DACH1: variants seen among roughly 807,000 people sequenced by gnomAD.
DACH1 encodes the protein dachshund homolog 1.
Under a neutral mutation model 54.2 loss-of-function variants are expected in DACH1, and 12 were observed. The ratio of observed to expected loss-of-function variants is 0.22; its 90% CI spans 0.14 to 0.36. DACH1 has a LOEUF of 0.36. Among genes scored for constraint, DACH1 ranks in the 10% least tolerant of loss-of-function variants. The pLI is 1.00. For synonymous variants in DACH1, 386 were observed against 366.2 expected (o/e 1.05, Z -0.62); for missense variants, 805 against 929.8 (o/e 0.87, Z 1.75).
At chr13:71,573,049 G>A in intron 3 of DACH1, 37 bp from the exon 4 acceptor site, 1 of 1,572,296 alleles carries the variant, frequency 6.4e-7, no homozygotes, top group Middle Eastern at 1.7e-4. Context: ...TTGCTCTGGA[G>A]GACATAAATC....
intron 1 of DACH1, among the ~76,000 whole-genome samples, chr13:71,732,753 G>A (rs1232175468): frequency 6.6e-6 from 1 of 152,018 alleles, no homozygotes; most frequent in East Asian, 1.9e-4. Context: ...ACACTATAAT[G>A]GCAAAGTTGA....
chr13:71,637,815 C>A (rs1422001829), intron 2 of DACH1, among the ~76,000 whole-genome samples: 1 of 151,968 alleles, frequency 6.6e-6, no homozygotes, highest in African/African-American at 2.4e-5. Context: ...TAAGTTAGTA[C>A]CCTTACTTAT....
intron 2 of DACH1, among the ~76,000 whole-genome samples, chr13:71,670,951 T>C (rs939840717): frequency 6.6e-6 from 1 of 152,082 alleles, no homozygotes; most frequent in African/African-American, 2.4e-5. Context: ...AAGATTCCTA[T>C]GAATTTTGGC....
At chr13:71,708,815 G>A (rs1268109092) in intron 1 of DACH1, among the ~76,000 whole-genome samples, 1 of 147,616 alleles carries the variant, frequency 6.8e-6, no homozygotes, top group East Asian at 2.0e-4. Context: ...TTATTACTTT[G>A]TCAATAAGCT....
At chr13:71,542,198 T>G (rs1883176824) in intron 6 of DACH1, among the ~76,000 whole-genome samples, 1 of 151,892 alleles carries the variant, frequency 6.6e-6, no homozygotes, top group Admixed American at 6.6e-5. Context: ...TGCAGTGAGC[T>G]GAGATTGCGC....
intron 1 of DACH1, among the ~76,000 whole-genome samples, chr13:71,848,227 T>C (rs1424736158): frequency 6.6e-6 from 1 of 152,100 alleles, no homozygotes; most frequent in Non-Finnish European, 1.5e-5. Context: ...AAAAATGGTA[T>C]TTTTTTACAT....
At chr13:71,668,572 G>GA (rs561803949) in intron 2 of DACH1, among the ~76,000 whole-genome samples, 2 of 151,224 alleles carry the variant, frequency 1.3e-5, no homozygotes, top group Non-Finnish European at 1.5e-5. Flanking sequence ...CTGTATCAGG[G>GA]AAAAAAATAT....
chr13:71,666,643 C>T (rs1434796433), intron 2 of DACH1, among the ~76,000 whole-genome samples: 1 of 151,788 alleles, frequency 6.6e-6, no homozygotes, highest in African/African-American at 2.4e-5. Flanking sequence ...AATAAAGAAC[C>T]CTGCATGCTA....
intron 1 of DACH1, among the ~76,000 whole-genome samples, chr13:71,847,044 A>G (rs1450519140): frequency 6.6e-6 from 1 of 152,124 alleles, no homozygotes. Context: ...CTGATAGACA[A>G]ACCTTAATTA....
intron 3 of DACH1, among the ~76,000 whole-genome samples, chr13:71,590,597 TAC>T (rs1873628156): frequency 6.6e-6 from 1 of 150,622 alleles, no homozygotes; most frequent in South Asian, 2.1e-4. Flanking sequence ...TAGAAAGCCT[TAC>T]ACAGAGATGT....
chr13:71,442,675 C>A (rs1040420062), intron 10 of DACH1, among the ~76,000 whole-genome samples: 3 of 151,856 alleles, frequency 2.0e-5, no homozygotes, highest in Non-Finnish European at 2.9e-5. Flanking sequence ...AGTACCAAAC[C>A]CTATGTATAC....
At chr13:71,510,220 C>A (rs1008399666) in intron 6 of DACH1, among the ~76,000 whole-genome samples, 1 of 151,944 alleles carries the variant, frequency 6.6e-6, no homozygotes, top group East Asian at 1.9e-4. Flanking sequence ...ATAACAGGTG[C>A]CTTCTGACCT....
intron 2 of DACH1, among the ~76,000 whole-genome samples, chr13:71,652,139 G>A (rs910118732): frequency 6.6e-6 from 1 of 152,016 alleles, no homozygotes; most frequent in Non-Finnish European, 1.5e-5. Context: ...ATCACTGATC[G>A]GTCTTTAGAA....
chr13:71,819,440 A>T (rs1223996393), intron 1 of DACH1, among the ~76,000 whole-genome samples: 2 of 152,218 alleles, frequency 1.3e-5, no homozygotes, highest in African/African-American at 4.8e-5. Context: ...ATGGAACTTA[A>T]TAGAGTGTCA....
At chr13:71,444,510 A>G (rs188810235) in intron 10 of DACH1, among the ~76,000 whole-genome samples, 6 of 152,284 alleles carry the variant, frequency 3.9e-5, no homozygotes, top group Non-Finnish European at 8.8e-5. Flanking sequence ...TAAGTCCTTC[A>G]TAAACTTTAT....
intron 1 of DACH1, among the ~76,000 whole-genome samples, chr13:71,759,678 C>A (rs1566483607): frequency 6.6e-6 from 1 of 152,074 alleles, no homozygotes; most frequent in Non-Finnish European, 1.5e-5. Context: ...GCCTTGTATG[C>A]ATGTTATAAT....
chr13:71,865,073 G>A (rs1490307587), intron 1 of DACH1, among the ~76,000 whole-genome samples: 1 of 152,120 alleles, frequency 6.6e-6, no homozygotes, highest in East Asian at 1.9e-4. Context: ...AGCTTCCATT[G>A]AGTCTCGGGC....
Position 71,475,151 on chromosome 13 carries a change from C to T in DACH1, c.2073G>A (p.Arg691=). ...DRSGGRTDAE[R]TIQDGRLYLK... Reference sequence around the variant, plus strand: ...TCTGCAAATTCCTACCTTGTATTGTCCTTTCAGCATCTGTTCTGCCGCCAC... The same window carrying T: ...TCTGCAAATTCCTACCTTGTATTGTTCTTTCAGCATCTGTTCTGCCGCCAC... The change falls in exon 10 of 11, where the codon AGG becomes AGA. Residue 691 remains arginine (R), a synonymous_variant. Transcript: ENST00000613252. 4.3e-6 allele frequency: 7 copies of T among 1,613,906 alleles called. No individual in the cohort carries two copies. The highest frequency in any genetic ancestry group is 1.1e-5 in the South Asian group (1 of 91,074).
At chr13:71,604,388 G>A (rs1026191421) in intron 3 of DACH1, among the ~76,000 whole-genome samples, 18 of 151,856 alleles carry the variant, frequency 1.2e-4, no homozygotes, top group Non-Finnish European at 2.1e-4. Context: ...ACTTTCCACA[G>A]TGGAACTTCA....
Sources: gnomAD v4.1 joint callset for allele counts (sites outside exome capture counted in the v4.1 genomes callset) on GRCh38, gnomAD v4.1.1 for gene constraint, MANE v1.5 for transcripts, NCBI Gene and HGNC (gene_info 2026-07-23, HGNC 2026-07-21) for gene names.